NRXN3: variants seen among roughly 807,000 people sequenced by gnomAD.
NRXN3 encodes the protein neurexin 3, also known as neurexin III.
A neutral mutation model predicts 137.6 loss-of-function variants in NRXN3; 32 were observed. That is an observed-to-expected ratio of 0.23 (90% CI 0.18 to 0.31). NRXN3 has a LOEUF of 0.31. NRXN3 is among the 10% of genes least tolerant of loss of function. NRXN3 has a pLI of 1.00. For missense variants in NRXN3, 1,574 were observed against 2,062.5 expected, an observed-to-expected ratio of 0.76 and a Z score of 4.59; for synonymous variants, 798 against 784.5, an observed-to-expected ratio of 1.02 and a Z score of -0.29.
intron 16 of NRXN3, among the ~76,000 whole-genome samples, chr14:79,555,078 A>T (rs1451764966): frequency 1.3e-5 from 2 of 152,260 alleles, no homozygotes; most frequent in Non-Finnish European, 2.9e-5. Flanking sequence ...TCACTGTTTT[A>T]TGTGTTCAGT....
chr14:79,765,628 C>G (rs2099053295), intron 19 of NRXN3, among the ~76,000 whole-genome samples: 1 of 152,184 alleles, frequency 6.6e-6, no homozygotes, highest in Admixed American at 6.5e-5. Flanking sequence ...GCTCATCACC[C>G]TGTCTCTCAT....
At chr14:79,016,165 G>A (rs1251163972) in intron 15 of NRXN3, among the ~76,000 whole-genome samples, 1 of 152,152 alleles carries the variant, frequency 6.6e-6, no homozygotes, top group Non-Finnish European at 1.5e-5. Context: ...GCAGCTTTGT[G>A]CAGTGGGAAG....
chr14:79,326,557 C>A (rs915889901), intron 15 of NRXN3, among the ~76,000 whole-genome samples: 1 of 152,130 alleles, frequency 6.6e-6, no homozygotes, highest in Non-Finnish European at 1.5e-5. Context: ...AACAGAAACC[C>A]TATATTTTCT....
chr14:79,529,880 G>A (rs547452750), intron 16 of NRXN3, among the ~76,000 whole-genome samples: 137 of 152,224 alleles, frequency 9.0e-4, no homozygotes, highest in African/African-American at 3.0e-3. Context: ...AAGCAAAGTC[G>A]AAAACTGCCA....
chr14:78,347,834 A>G (rs1195699736), intron 4 of NRXN3, among the ~76,000 whole-genome samples: 1 of 152,040 alleles, frequency 6.6e-6, no homozygotes, highest in Non-Finnish European at 1.5e-5. Flanking sequence ...ATTGAAAGGG[A>G]GATAAGATTG....
intron 4 of NRXN3, among the ~76,000 whole-genome samples, chr14:78,347,118 T>A (rs888418599): frequency 6.6e-6 from 1 of 152,210 alleles, no homozygotes; most frequent in African/African-American, 2.4e-5. Flanking sequence ...TGAAAAAGTT[T>A]ATGAATTGCC....
intron 4 of NRXN3, among the ~76,000 whole-genome samples, chr14:78,467,892 A>G (rs991831663): frequency 2.0e-4 from 29 of 147,070 alleles, no homozygotes; most frequent in African/African-American, 6.3e-4. Flanking sequence ...GTAAATACAT[A>G]TATCCTAGAA....
At chr14:78,293,828 T>C (rs923391205) in intron 3 of NRXN3, among the ~76,000 whole-genome samples, 5 of 152,226 alleles carry the variant, frequency 3.3e-5, no homozygotes, top group Non-Finnish European at 7.3e-5. Context: ...TTTCCTTATA[T>C]GAACTATGCA....
chr14:78,245,032 G>A (rs1202625598), intron 2 of NRXN3, among the ~76,000 whole-genome samples: 1 of 152,230 alleles, frequency 6.6e-6, no homozygotes, highest in African/African-American at 2.4e-5. Context: ...GATTTGGGTA[G>A]CAGGAACTGC....
At chr14:79,269,043 C>CTTATTTTATTTTATTTTATT (rs71131690) in intron 15 of NRXN3, among the ~76,000 whole-genome samples, 38 of 150,340 alleles carry the variant, frequency 2.5e-4, no homozygotes, top group African/African-American at 8.1e-4. Context: ...TTTTATTTTT[C>CTTATTTTATTTTATTTTATT]TTATTTTATT....
intron 8 of NRXN3, among the ~76,000 whole-genome samples, chr14:78,789,311 C>T (rs1218451128): frequency 6.6e-6 from 1 of 152,090 alleles, no homozygotes; most frequent in Non-Finnish European, 1.5e-5. Context: ...CATTTCTTTC[C>T]ATATGCTCTA....
intron 15 of NRXN3, among the ~76,000 whole-genome samples, chr14:79,456,312 A>G (rs911528539): frequency 6.6e-6 from 1 of 152,136 alleles, no homozygotes; most frequent in African/African-American, 2.4e-5. Flanking sequence ...CTGTGCCCCT[A>G]TGTGTTCCAG....
chr14:79,094,975 AGAGAGTGTGT>A (rs1347052180), intron 15 of NRXN3, among the ~76,000 whole-genome samples: 1 of 88,720 alleles, frequency 1.1e-5, no homozygotes, highest in African/African-American at 3.4e-5. Flanking sequence ...AGAGAGAGAG[AGAGAGTGTGT>A]GTGTGTGTGT....
intron 14 of NRXN3, among the ~76,000 whole-genome samples, chr14:78,983,505 T>G (rs1001961618): frequency 2.6e-5 from 4 of 152,164 alleles, no homozygotes; most frequent in South Asian, 2.1e-4. Context: ...TTGAGTTGTT[T>G]GAGTTTCTTA....
At chr14:79,375,941 T>C (rs888062961) in intron 15 of NRXN3, among the ~76,000 whole-genome samples, 10 of 151,138 alleles carry the variant, frequency 6.6e-5, no homozygotes. Context: ...GTTGAAAGAA[T>C]AAATCTTTAG....
At chr14:79,823,650 CTG>C (rs1434441670) in intron 20 of NRXN3, among the ~76,000 whole-genome samples, 1 of 152,120 alleles carries the variant, frequency 6.6e-6, no homozygotes, top group Non-Finnish European at 1.5e-5. Flanking sequence ...GAAGGGATAT[CTG>C]TTATTTCTTA....
At chr14:78,586,748 G>A (rs1162030313) in intron 4 of NRXN3, among the ~76,000 whole-genome samples, 2 of 152,196 alleles carry the variant, frequency 1.3e-5, no homozygotes, top group Admixed American at 6.5e-5. Context: ...TTGAAGAAGA[G>A]CCCTTCAGCA....
At chr14:78,409,951 C>T (rs769291052) in intron 4 of NRXN3, among the ~76,000 whole-genome samples, 3 of 152,092 alleles carry the variant, frequency 2.0e-5, no homozygotes, top group Non-Finnish European at 2.9e-5. Context: ...GTAATATTGC[C>T]GGGTTTTCTG....
At chr14:79,791,660 C>G (rs1010981115) in intron 19 of NRXN3, among the ~76,000 whole-genome samples, 2 of 151,762 alleles carry the variant, frequency 1.3e-5, no homozygotes, top group African/African-American at 4.8e-5. Flanking sequence ...AACTTGCCAC[C>G]TTATGGGCAC....
Sources: gnomAD v4.1 joint callset for allele counts (sites outside exome capture counted in the v4.1 genomes callset) on GRCh38, gnomAD v4.1.1 for gene constraint, MANE v1.5 for transcripts, NCBI Gene and HGNC (gene_info 2026-07-23, HGNC 2026-07-21) for gene names.